The following TSPO variants were observed in gnomAD, a reference collection of about 807,000 sequenced individuals.
TSPO encodes the protein translocator protein.
A neutral mutation model predicts 13.9 loss-of-function variants in TSPO; 14 were observed. The ratio of observed to expected loss-of-function variants is 1.01; its 90% confidence interval spans 0.67 to 1.58. TSPO has a LOEUF of 1.58. Among genes scored for constraint, TSPO ranks in the 40% most tolerant of loss-of-function variants. TSPO has a pLI of 0.00. For missense variants in TSPO, 232 were observed against 229.6 expected (o/e 1.01, Z -0.07); for synonymous variants, 114 against 105.9 (o/e 1.08, Z -0.47).
intron 2 of TSPO, 41 bp from the exon 3 acceptor site, chr22:43,161,011 C>G: frequency 1.3e-6 from 2 of 1,588,622 alleles, no homozygotes; most frequent in Non-Finnish European, 1.7e-6. Flanking sequence ...CGCTCCTGGC[C>G]TTGTTCCTAA....
intron 1 of TSPO, among the ~76,000 whole-genome samples, chr22:43,154,309 A>G (rs1931184293): frequency 6.6e-6 from 1 of 151,814 alleles, no homozygotes; most frequent in African/African-American, 2.4e-5. Context: ...GAAGGGACAC[A>G]TTCCTTATTG....
At chr22:43,157,014 A>G (rs1931271842) in intron 1 of TSPO, among the ~76,000 whole-genome samples, 1 of 152,190 alleles carries the variant, frequency 6.6e-6, no homozygotes, top group Non-Finnish European at 1.5e-5. Flanking sequence ...CGCAGGCTCC[A>G]GCAGAGCAGC....
intron 3 of TSPO, 100 bp downstream of exon 3, chr22:43,161,290 C>T (rs1569480556): frequency 6.7e-7 from 1 of 1,481,696 alleles, no homozygotes; most frequent in Middle Eastern, 1.8e-4. Flanking sequence ...TAGGCGGGGC[C>T]AGGGGAGACA....
intron 3 of TSPO, 42 bp from the exon 4 acceptor site, chr22:43,162,761 G>A (rs1401414188): frequency 1.3e-6 from 2 of 1,497,656 alleles, no homozygotes; most frequent in South Asian, 2.7e-5. Context: ...GGTGAACGCG[G>A]TGCCTCAGGC....
Position 43,159,322 on chromosome 22 carries a change from C to T in TSPO, c.84C>T (p.Gly28=), listed in dbSNP as rs376383649. The T allele has an allele frequency of 2.3e-4, 364 of 1,549,248 alleles. 4 individuals are homozygous for T. The South Asian group carries it at 4.1e-3, about 17-fold the overall frequency. The change falls in exon 2 of 4, where the codon GGC becomes GGT. Residue 28 remains glycine, a synonymous_variant. Coordinates refer to ENST00000337554, the MANE Select transcript of TSPO (RefSeq NM_000714.6). ...GCFVGSRFVH[G]EGLRWYAGLQ... ...TCGTGGGCTCCCGCTTTGTCCACGG[C>T]GAGGGTCTCCGCTGGTACGCCGGCC...
chr22:43,159,520 G>A, intron 2 of TSPO, 100 bp downstream of exon 2: 1 of 1,244,646 alleles, frequency 8.0e-7, no homozygotes, highest in South Asian at 2.0e-5. Context: ...ATGGACCATG[G>A]CATGGTTTCC....
At chr22:43,161,801 T>C (rs1931450010) in intron 3 of TSPO, among the ~76,000 whole-genome samples, 1 of 152,012 alleles carries the variant, frequency 6.6e-6, no homozygotes, top group Admixed American at 6.6e-5. Flanking sequence ...CGCGCCCGGC[T>C]GACTGCTTCT....
chr22:43,158,108 G>T (rs1931312503), intron 1 of TSPO, among the ~76,000 whole-genome samples: 1 of 152,106 alleles, frequency 6.6e-6, no homozygotes, highest in African/African-American at 2.4e-5. Flanking sequence ...CTTTGCCCCT[G>T]CCAAAGCCCA....
At chr22:43,158,213 A>G (rs1931316723) in intron 1 of TSPO, among the ~76,000 whole-genome samples, 1 of 152,122 alleles carries the variant, frequency 6.6e-6, no homozygotes, top group South Asian at 2.1e-4. Context: ...CTGGGACGAA[A>G]GTGCTCAGTA....
chr22:43,160,079 C>G (rs779405133), intron 2 of TSPO, among the ~76,000 whole-genome samples: 1 of 152,174 alleles, frequency 6.6e-6, no homozygotes, highest in Non-Finnish European at 1.5e-5. Context: ...GTGCCAGGCA[C>G]TCTAGGGGGC....
intron 1 of TSPO, chr22:43,152,128 G>C (rs1279172081): frequency 1.3e-5 from 2 of 152,572 alleles, no homozygotes; most frequent in African/African-American, 4.8e-5. Context: ...CGGGGCTCAG[G>C]TGCGTTGCAG....
At chr22:43,161,973 CAG>C in intron 3 of TSPO, among the ~76,000 whole-genome samples, 2 of 151,226 alleles carry the variant, frequency 1.3e-5, no homozygotes, top group South Asian at 4.2e-4. Flanking sequence ...TTTTTTGAGA[CAG>C]AGTCTTACTC....
chr22:43,159,411 C>T lies in TSPO; in HGVS notation c.173C>T (p.Ser58Leu), dbSNP rs1286556648. Reference sequence around the variant, plus strand: ...GGCCCTGTCTGGGGCACGCTCTACTCAGCCATGGGGTAGGTGGGCGTGCAC... The same window carrying T: ...GGCCCTGTCTGGGGCACGCTCTACTTAGCCATGGGGTAGGTGGGCGTGCAC... Reference protein sequence around the residue: ...VLGPVWGTLYSAMGYGSYLVW... With the variant: ...VLGPVWGTLYLAMGYGSYLVW... The change falls in exon 2 of 4, where the codon TCA (serine) becomes TTA (leucine). Residue 58 changes from serine to leucine, a missense_variant. Physicochemically the swap from Ser to Leu is moderately radical, Grantham distance 145 (BLOSUM62 -2). Transcript: ENST00000337554. The T allele has an allele frequency of 3.3e-6, 5 of 1,525,866 alleles. No individual in the cohort carries two copies. The highest frequency in any genetic ancestry group is 1.4e-5 in the African/African-American group (1 of 72,384). 94.5% of individuals were successfully genotyped at this position (1,525,866 alleles called of 1,614,324 possible). A position where few individuals can be genotyped will look rare whatever the true frequency, so the allele number is the denominator to read the frequency against.
Position 43,163,148 on chromosome 22 carries a change from C to A in TSPO, c.*157C>A, listed in dbSNP as rs994437867. 2.7e-6 allele frequency: 4 copies of A among 1,463,370 alleles called. No individual in the cohort carries two copies. Among genetic ancestry groups the A allele is most frequent in the East Asian group, 2.5e-5 (1 of 40,278 alleles). 90.6% of individuals were successfully genotyped at this position (1,463,370 alleles called of 1,614,324 possible). Reference sequence around the variant, plus strand: ...TCAGAGGTGGCCCCACCTGAGCCCCCACCCGGGAGCAGTGTCCTGTGCTTT... The same window carrying A: ...TCAGAGGTGGCCCCACCTGAGCCCCAACCCGGGAGCAGTGTCCTGTGCTTT... On this transcript the variant is annotated 3_prime_UTR_variant, in exon 4 of 4. Transcript: ENST00000337554.
At position 43,153,421 on chromosome 22, in the gene TSPO, G is replaced by C. The variant is rs1336779249; in HGVS notation, c.-30+1817G>C. On this transcript the variant is annotated intron_variant, in intron 1 of 3. Coordinates refer to ENST00000337554, the MANE Select transcript of TSPO (RefSeq NM_000714.6). Reference sequence around the variant, plus strand: ...CTGCGGACTGCAGTGGCGCAATCTCGGCTCACTGCAAGCTCCGCTTCCCGG... The same window carrying C: ...CTGCGGACTGCAGTGGCGCAATCTCCGCTCACTGCAAGCTCCGCTTCCCGG... 3.0e-5 allele frequency among the ~76,000 whole-genome samples: 2 copies of C among 66,826 alleles called. 1 individual carries two copies. Among genetic ancestry groups the C allele is most frequent in the African/African-American group, 9.2e-5 (2 of 21,716 alleles). 43.8% of individuals were successfully genotyped at this position (66,826 alleles called of 152,430 possible). A position where few individuals can be genotyped will look rare whatever the true frequency, so the allele number is the denominator to read the frequency against.
rs1157438046 is a variant in TSPO at position 43,163,039 on chromosome 22, G to A, written c.*48G>A. 7.0e-6 allele frequency: 11 copies of A among 1,571,158 alleles called. No individual in the cohort carries two copies. Among genetic ancestry groups the A allele is most frequent in the Non-Finnish European group, 9.5e-6 (11 of 1,158,678 alleles). ...CAGCTGCACCAGCAGGTGCCATCAC[G>A]CTTGTGATGTGGTGGCCGTCACGCT... On this transcript the variant is annotated 3_prime_UTR_variant, in exon 4 of 4. Coordinates refer to ENST00000337554, the MANE Select transcript of TSPO (RefSeq NM_000714.6).
At chr22:43,159,168 G>A in intron 1 of TSPO, 42 bp from the exon 2 acceptor site, 2 of 1,408,074 alleles carry the variant, frequency 1.4e-6, no homozygotes, top group African/African-American at 1.5e-5. Context: ...CTGACCCCAT[G>A]GCCTCAGGAA....
rs777892439 is a variant in TSPO, at chr22:43,161,220, T to C, written c.321+30T>C. The C allele has an allele frequency of 3.1e-6, 5 of 1,595,724 alleles. No homozygotes were observed. The South Asian group carries it at 4.5e-5, about 14-fold the overall frequency. ...GTGTGGCCACAGCATGTGTCCCTGA[T>C]CCCTGGATCCGACCCTTGGAGGACG... On this transcript the variant is annotated intron_variant, in intron 3 of 3. Coordinates refer to ENST00000337554, the MANE Select transcript of TSPO (RefSeq NM_000714.6).
chr22:43,160,723 C>G (rs967383772), intron 2 of TSPO, among the ~76,000 whole-genome samples: 4 of 152,230 alleles, frequency 2.6e-5, no homozygotes, highest in African/African-American at 9.6e-5. Context: ...GTCCCATCCT[C>G]TATGCAGTGC....
Sources: allele counts gnomAD v4.1 joint callset (sites outside exome capture counted in the v4.1 genomes callset), GRCh38; gene constraint gnomAD v4.1.1; transcripts MANE v1.5; gene names NCBI Gene and HGNC (gene_info 2026-07-23, HGNC 2026-07-21).